Variants in CACNA2D3 observed in about 807,000 individuals in gnomAD.
CACNA2D3 encodes calcium voltage-gated channel auxiliary subunit alpha2delta 3.
A neutral mutation model predicts 160.6 loss-of-function variants in CACNA2D3; 60 were observed. The ratio of observed to expected loss-of-function variants is 0.37; its 90% CI spans 0.30 to 0.46. CACNA2D3 has a LOEUF of 0.46. Ranked by LOEUF, CACNA2D3 falls within the 20% of genes least tolerant of loss-of-function variation. The probability of loss-of-function intolerance (pLI) is 1.00; values close to 1 mark genes in which losing one functional copy is unlikely to be tolerated. For synonymous variants in CACNA2D3, 558 were observed against 492.9 expected, an observed-to-expected ratio of 1.13 and a Z score of -1.75; for missense variants, 1,205 against 1,365.0, an observed-to-expected ratio of 0.88 and a Z score of 1.85.
intron 18 of CACNA2D3, chr3:54,875,392 T>C (rs1357971559): frequency 6.6e-6 from 1 of 152,248 alleles, no homozygotes; most frequent in Non-Finnish European, 1.5e-5. Context: ...TCCCTTCCTC[T>C]TTAAACTGCC....
Position 54,545,319 on chromosome 3 carries a change from A to T in CACNA2D3, c.545-17481A>T, listed in dbSNP as rs140717171. The stretch of plus-strand genomic sequence containing the variant: ...TTTCTAAGTAGTTCTGTCCTTGAAG[A>T]TACTTGGAGCTTAACTTCCATTTCT... On this transcript the variant is annotated intron_variant, in intron 5 of 37. Coordinates refer to ENST00000474759, the MANE Select transcript of CACNA2D3 (RefSeq NM_018398.3). Among the ~76,000 whole-genome samples the T allele has an allele frequency of 6.1e-3, 928 of 152,348 alleles. 7 individuals are homozygous for T. Among genetic ancestry groups the T allele is most frequent in the Non-Finnish European group, 6.8e-3 (460 of 68,032 alleles).
chr3:54,844,180 G>A lies in CACNA2D3; in HGVS notation c.1552-2213G>A, dbSNP rs192077656. Among the ~76,000 whole-genome samples the A allele has an allele frequency of 6.2e-3, 943 of 152,256 alleles. 9 individuals carry two copies. Among genetic ancestry groups the A allele is most frequent in the African/African-American group, 0.021 (890 of 41,534 alleles). Reference sequence around the variant, plus strand: ...CCTGTGAAAAGGAGAAAGCCCAGGAGTATGGGACCTGGAAACTGAGGGAAT... The same window carrying A: ...CCTGTGAAAAGGAGAAAGCCCAGGAATATGGGACCTGGAAACTGAGGGAAT... On this transcript the variant is annotated intron_variant, in intron 16 of 37. Transcript: ENST00000474759.
In CACNA2D3 at chr3:54,896,743, T is replaced by C; in HGVS notation, c.2247-6T>C. On this transcript the variant is annotated splice_region_variant and splice_polypyrimidine_tract_variant and intron_variant, in intron 25 of 37. Coordinates refer to ENST00000474759, the MANE Select transcript of CACNA2D3 (RefSeq NM_018398.3). ...GCATGTTCTTCTGATTCTTTTCCAC[T>C]TCAAGGGACTTCCTGAAAGCTGGCG... 1.9e-6 allele frequency: 3 copies of C among 1,614,014 alleles called. No homozygotes were observed. Among genetic ancestry groups the C allele is most frequent in the Non-Finnish European group, 1.7e-6 (2 of 1,179,880 alleles).
chr3:54,641,068 T>G (rs1699507929), intron 10 of CACNA2D3, among the ~76,000 whole-genome samples: 1 of 150,774 alleles, frequency 6.6e-6, no homozygotes, highest in African/African-American at 2.4e-5. Context: ...CCAAGCTCGA[T>G]GAAGTATTTA....
chr3:54,832,348 A>C lies in CACNA2D3; in HGVS notation c.1399-4811A>C, dbSNP rs532250881. ...GGGTTGGCTGTCCATCCCCACACTC[A>C]GGATGGGAGAGCTTGACTGCTAAGA... On this transcript the variant is annotated intron_variant, in intron 14 of 37. Coordinates refer to ENST00000474759, the MANE Select transcript of CACNA2D3 (RefSeq NM_018398.3). Among the ~76,000 whole-genome samples, 3 of 152,284 alleles carry C rather than the reference A, an allele frequency of 2.0e-5. No homozygotes were observed. The South Asian group carries it at 6.2e-4, about 32-fold the overall frequency.
In CACNA2D3 at chr3:54,654,927, C is replaced by A. The variant is rs1459004822; in HGVS notation, c.1167+12686C>A. ...CCTCCTCCATGGATGCAACATCCTC[C>A]TATTGACCTTATTGGCCAGACCAGG... is the stretch of plus-strand genomic sequence containing the variant. On this transcript the variant is annotated intron_variant, in intron 11 of 37. Coordinates refer to ENST00000474759, the MANE Select transcript of CACNA2D3 (RefSeq NM_018398.3). Among the ~76,000 whole-genome samples the A allele has an allele frequency of 2.6e-5, 4 of 152,160 alleles. No homozygotes were observed. The East Asian group carries it at 7.7e-4, about 29-fold the overall frequency.
At chr3:54,215,320 A>G (rs1270562876) in intron 2 of CACNA2D3, among the ~76,000 whole-genome samples, 1 of 152,182 alleles carries the variant, frequency 6.6e-6, no homozygotes, top group Non-Finnish European at 1.5e-5. Context: ...CACCTCACAT[A>G]CTTCTCATTT....
At chr3:54,280,654 T>C (rs1269346212) in intron 2 of CACNA2D3, among the ~76,000 whole-genome samples, 2 of 152,162 alleles carry the variant, frequency 1.3e-5, no homozygotes, top group African/African-American at 2.4e-5. Context: ...CGCAGCCTCA[T>C]ACAGTTTCCC....
Position 54,523,120 on chromosome 3 carries a change from C to T in CACNA2D3, c.544+19466C>T, listed in dbSNP as rs145023472. Reference sequence around the variant, plus strand: ...AGAGCAGGTAATTCTTTTCTTGTTCCTGATCTTAAAGAAAGCATTTAATAT... The same window carrying T: ...AGAGCAGGTAATTCTTTTCTTGTTCTTGATCTTAAAGAAAGCATTTAATAT... On this transcript the variant is annotated intron_variant, in intron 5 of 37. Transcript: ENST00000474759. Among the ~76,000 whole-genome samples, 233 of 152,070 alleles carry T rather than the reference C, an allele frequency of 1.5e-3. 3 individuals are homozygous for T. The East Asian group carries it at 0.028, about 19-fold the overall frequency.
intron 4 of CACNA2D3, among the ~76,000 whole-genome samples, chr3:54,489,828 A>G (rs1371757483): frequency 6.6e-6 from 1 of 152,180 alleles, no homozygotes; most frequent in East Asian, 1.9e-4. Context: ...GCTATTCATT[A>G]CCTATTTTTT....
At chr3:54,732,436 G>A (rs953824410) in intron 11 of CACNA2D3, among the ~76,000 whole-genome samples, 1 of 152,184 alleles carries the variant, frequency 6.6e-6, no homozygotes, top group African/African-American at 2.4e-5. Flanking sequence ...CAAGACACGG[G>A]TCTGGGGTGA....
intron 13 of CACNA2D3, among the ~76,000 whole-genome samples, chr3:54,807,482 A>G (rs964084684): frequency 6.6e-6 from 1 of 152,330 alleles, no homozygotes; most frequent in East Asian, 1.9e-4. Context: ...CATCAGAGAA[A>G]TGCAAATCAA....
In CACNA2D3 at chr3:54,628,782, AG is replaced by A. The variant is rs1699175536; in HGVS notation, c.1053+908del. 2.0e-5 allele frequency among the ~76,000 whole-genome samples: 3 copies of A among 152,304 alleles called. No individual in the cohort carries two copies. The South Asian group carries it at 6.2e-4, about 32-fold the overall frequency. On this transcript the variant is annotated intron_variant, in intron 10 of 37. Transcript: ENST00000474759. ...CAATCCACAGATTAGCATCAGCAGG[AG>A]GCATCTCCTCTCTAGGGCAGGGGGT...
chr3:54,755,793 AAAG>A (rs1206376885), intron 12 of CACNA2D3, among the ~76,000 whole-genome samples: 2 of 152,106 alleles, frequency 1.3e-5, no homozygotes. Flanking sequence ...GTCTTGAAAA[AAAG>A]AGTTCCTTTC....
At chr3:54,141,084 T>TGC (rs1392359370) in intron 2 of CACNA2D3, among the ~76,000 whole-genome samples, 17 of 112,378 alleles carry the variant, frequency 1.5e-4, no homozygotes, top group Non-Finnish European at 2.9e-4. Context: ...TGTGTGTGTG[T>TGC]GTGCGCGCGC....
rs775755237 is a variant in CACNA2D3, at chr3:54,224,834, A to G, written c.205-95608A>G. ...ATTCTTTCTCATGTTTCAGATTTTC[A>G]TAAGGGATAATTTTCTGCAAATTTC... On this transcript the variant is annotated intron_variant, in intron 2 of 37. Transcript: ENST00000474759. 7.3e-5 allele frequency among the ~76,000 whole-genome samples: 11 copies of G among 151,280 alleles called. 1 individual carries two copies. The highest frequency in any genetic ancestry group is 1.5e-4 in the Non-Finnish European group (10 of 67,900).
chr3:54,650,450 G>C (rs1200525665), intron 11 of CACNA2D3, among the ~76,000 whole-genome samples: 1 of 152,072 alleles, frequency 6.6e-6, no homozygotes, highest in Non-Finnish European at 1.5e-5. Context: ...TGCAACCTCC[G>C]CCTCCTGGGT....
At chr3:54,298,511 G>A (rs901143025) in intron 2 of CACNA2D3, among the ~76,000 whole-genome samples, 16 of 152,222 alleles carry the variant, frequency 1.1e-4, no homozygotes, top group African/African-American at 3.9e-4. Flanking sequence ...TAAGAAGGAA[G>A]GAGTAGGCCG....
intron 9 of CACNA2D3, among the ~76,000 whole-genome samples, chr3:54,615,312 A>T (rs533299053): frequency 1.3e-5 from 2 of 152,360 alleles, no homozygotes; most frequent in African/African-American, 4.8e-5. Flanking sequence ...ATAAGTAAAT[A>T]CCAAATAAAT....
Sources: allele counts gnomAD v4.1 joint callset (sites outside exome capture counted in the v4.1 genomes callset), GRCh38; gene constraint gnomAD v4.1.1; transcripts MANE v1.5; gene names NCBI Gene and HGNC (gene_info 2026-07-23, HGNC 2026-07-21).